PRSS23: variants seen among roughly 807,000 people sequenced by gnomAD.
The protein encoded by PRSS23 is serine protease 23, also known as protease, serine 23.
PRSS23 carries 25 observed loss-of-function variants against 34.7 expected under a neutral mutation model. That is an observed-to-expected ratio of 0.72 (90% CI 0.53 to 1.01). The LOEUF (loss-of-function observed/expected upper bound fraction) is 1.01, where lower values mean the gene tolerates loss of function less well. Among genes scored for constraint, PRSS23 ranks in the 50% least tolerant of loss-of-function variants. The pLI is 0.00. For missense variants in PRSS23, 445 were observed against 475.6 expected, an observed-to-expected ratio of 0.94 and a Z score of 0.60; for synonymous variants, 176 against 186.6, an observed-to-expected ratio of 0.94 and a Z score of 0.46.
chr11:86,886,095 G>A (rs1005468229), intron 2 of PRSS23, among the ~76,000 whole-genome samples: 5 of 152,170 alleles, frequency 3.3e-5, no homozygotes, highest in African/African-American at 1.2e-4. Flanking sequence ...CAGCCATGAT[G>A]GCTAACATCT....
Position 86,845,644 on chromosome 11 carries a change from A to T in PRSS23, c.206+22051A>T, listed in dbSNP as rs111364662. ...CAGGACTTACTTCAGTCCTGGATGA[A>T]TAATATTGAAGATATATGCTTAAAA... On this transcript the variant is annotated intron_variant, in intron 2 of 2. Transcript: ENST00000533902. 1.6e-3 allele frequency among the ~76,000 whole-genome samples: 248 copies of T among 152,302 alleles called. 3 individuals carry two copies. The highest frequency in any genetic ancestry group is 6.8e-3 in the Middle Eastern group (2 of 294).
At chr11:86,937,428 G>T (rs756641658) in intron 2 of PRSS23, 10 of 152,250 alleles carry the variant, frequency 6.6e-5, no homozygotes, top group South Asian at 2.1e-4. Context: ...ATAAGGCTGA[G>T]ACCTACTGGG....
At chr11:86,829,951 C>T (rs538839244) in intron 2 of PRSS23, among the ~76,000 whole-genome samples, 1 of 152,312 alleles carries the variant, frequency 6.6e-6, no homozygotes, top group African/African-American at 2.4e-5. Context: ...CAGGGACCCA[C>T]TTGAGGAGGC....
chr11:86,944,627 A>C (rs1359270372), intron 2 of PRSS23, among the ~76,000 whole-genome samples: 3 of 152,202 alleles, frequency 2.0e-5, no homozygotes, highest in Non-Finnish European at 4.4e-5. Flanking sequence ...AATAAAATGA[A>C]ATCATGTAAA....
intron 1 of PRSS23, among the ~76,000 whole-genome samples, chr11:86,822,517 A>G (rs1021518038): frequency 6.6e-6 from 1 of 150,428 alleles, no homozygotes; most frequent in Non-Finnish European, 1.5e-5. Flanking sequence ...GCTAATCTGG[A>G]GGCTGAGGTG....
At chr11:86,906,424 C>G (rs1948943371) in intron 2 of PRSS23, among the ~76,000 whole-genome samples, 1 of 152,258 alleles carries the variant, frequency 6.6e-6, no homozygotes, top group African/African-American at 2.4e-5. Context: ...CGCCCAGCTG[C>G]CCGCCCCTGC....
chr11:86,803,622 GA>G (rs975574869), intron 1 of PRSS23, among the ~76,000 whole-genome samples: 2 of 152,132 alleles, frequency 1.3e-5, no homozygotes, highest in African/African-American at 4.8e-5. Context: ...AATGCCTCAG[GA>G]AAGACCCTTA....
At chr11:86,841,394 A>G (rs1948447301) in intron 2 of PRSS23, among the ~76,000 whole-genome samples, 1 of 151,684 alleles carries the variant, frequency 6.6e-6, no homozygotes, top group South Asian at 2.1e-4. Context: ...GGGAAGCCAG[A>G]GCAAAGAAAC....
upstream of PRSS23, among the ~76,000 whole-genome samples, chr11:86,799,161 C>T (rs190177369): frequency 4.6e-5 from 7 of 152,286 alleles, no homozygotes; most frequent in Admixed American, 1.3e-4. Context: ...AGGGAGGATA[C>T]TTGAGCCCAG....
At chr11:86,804,659 A>T (rs939236199) in intron 1 of PRSS23, among the ~76,000 whole-genome samples, 2 of 152,138 alleles carry the variant, frequency 1.3e-5, no homozygotes, top group African/African-American at 4.8e-5. Context: ...AGTTGTAAGA[A>T]CTCTGAATTA....
chr11:86,835,350 T>C (rs1002576567), intron 2 of PRSS23, among the ~76,000 whole-genome samples: 2 of 152,242 alleles, frequency 1.3e-5, no homozygotes, highest in Non-Finnish European at 2.9e-5. Context: ...TACTCAGGTA[T>C]GCCATGGGTT....
At position 86,804,393 on chromosome 11, in the gene PRSS23, G is replaced by A. The variant is rs12291065; in HGVS notation, c.-13-3238G>A. Among the ~76,000 whole-genome samples the A allele has an allele frequency of 1.3e-4, 20 of 152,212 alleles. 2 individuals carry two copies. Among genetic ancestry groups the A allele is most frequent in the Middle Eastern group, 3.4e-3 (1 of 294 alleles). ...TAAATGCAATTTTATAACTTTTAGCGTTACATGGAAGCTTTAAGCAAGATA... is the reference window on the plus strand; with the variant it reads ...TAAATGCAATTTTATAACTTTTAGCATTACATGGAAGCTTTAAGCAAGATA... On this transcript the variant is annotated intron_variant, in intron 1 of 1. Coordinates refer to ENST00000280258, the MANE Select transcript of PRSS23 (RefSeq NM_007173.6).
rs189948188 is a variant in PRSS23 at position 86,862,360 on chromosome 11, G to T, written c.206+38767G>T. 9.2e-4 allele frequency among the ~76,000 whole-genome samples: 140 copies of T among 151,890 alleles called. 1 individual carries two copies. Among genetic ancestry groups the T allele is most frequent in the Non-Finnish European group, 2.1e-4 (14 of 67,946 alleles). ...GGGTGTTACTCCTAATGTACAGGGG[G>T]TGTTCACCCTGGGATATTATTGGTA... On this transcript the variant is annotated intron_variant, in intron 2 of 2. Transcript: ENST00000533902.
At chr11:86,944,777 A>G (rs1050177383) in intron 2 of PRSS23, among the ~76,000 whole-genome samples, 2 of 152,246 alleles carry the variant, frequency 1.3e-5, no homozygotes, top group Non-Finnish European at 2.9e-5. Context: ...AACCGGGAAA[A>G]CCATTTAAAT....
rs182174408 is a variant in PRSS23 at position 86,824,473 on chromosome 11, T to A, written c.206+880T>A. ...CCCAGTCTTTTTATCTTTTTTTTTTTAAATTTTATTTTATTATTAGTATAC... is the reference window on the plus strand; with the variant it reads ...CCCAGTCTTTTTATCTTTTTTTTTTAAAATTTTATTTTATTATTAGTATAC... On this transcript the variant is annotated intron_variant, in intron 2 of 2. Transcript: ENST00000533902. Among the ~76,000 whole-genome samples the A allele has an allele frequency of 1.7e-3, 250 of 151,236 alleles. 1 individual carries two copies. Among genetic ancestry groups the A allele is most frequent in the African/African-American group, 1.9e-3 (80 of 41,400 alleles).
chr11:86,914,487 T>A (rs1230955894), intron 2 of PRSS23, among the ~76,000 whole-genome samples: 1 of 152,208 alleles, frequency 6.6e-6, no homozygotes, highest in Non-Finnish European at 1.5e-5. Flanking sequence ...TCACTCGATT[T>A]CCCTTGTTCT....
At position 86,862,903 on chromosome 11, in the gene PRSS23, T is replaced by G. The variant is rs1449369743; in HGVS notation, c.206+39310T>G. On this transcript the variant is annotated intron_variant, in intron 2 of 2. Coordinates refer to the PRSS23 transcript ENST00000533902. ...ATTCTAGGGAGATATTACTTTAATG[T>G]CACAGAAGGTGTACACCCAGTGATA... Among the ~76,000 whole-genome samples the G allele has an allele frequency of 5.3e-5, 8 of 151,948 alleles. 1 individual carries two copies. Among genetic ancestry groups the G allele is most frequent in the Admixed American group, 4.6e-4 (7 of 15,264 alleles).
At chr11:86,948,754 C>T (rs572535087) in intron 2 of PRSS23, 1 of 152,464 alleles carries the variant, frequency 6.6e-6, no homozygotes, top group South Asian at 2.1e-4. Context: ...TCACCTACTC[C>T]ATGCCTGGCT....
At chr11:86,903,514 G>A (rs952144253) in intron 2 of PRSS23, among the ~76,000 whole-genome samples, 3 of 131,128 alleles carry the variant, frequency 2.3e-5, no homozygotes, top group African/African-American at 5.9e-5. Flanking sequence ...ACGGAGTCTC[G>A]CTCTGTTGCC....
Sources: allele counts gnomAD v4.1 joint callset (sites outside exome capture counted in the v4.1 genomes callset), GRCh38; gene constraint gnomAD v4.1.1; transcripts MANE v1.5; gene names NCBI Gene and HGNC (gene_info 2026-07-23, HGNC 2026-07-21).